The following SLC35D4 variants were observed in gnomAD, a reference collection of about 807,000 sequenced individuals.
SLC35D4 encodes solute carrier family 35 member D4.
chr18:23,352,086 C>T, the SLC35D4 span: 30 of 804,534 alleles, frequency 3.7e-5, no homozygotes, highest in East Asian at 6.7e-4. Flanking sequence ...TCAGGGACAG[C>T]GCCTAGAAGT....
At chr18:23,307,130 C>G in the SLC35D4 span, among the ~76,000 whole-genome samples, 3 of 152,248 alleles carry the variant, frequency 2.0e-5, no homozygotes, top group South Asian at 6.2e-4. Flanking sequence ...ACTGTTCTCA[C>G]CCTTCAACCG....
the SLC35D4 span, among the ~76,000 whole-genome samples, chr18:23,276,028 T>C: frequency 6.6e-6 from 1 of 152,144 alleles, no homozygotes; most frequent in Admixed American, 6.5e-5. Flanking sequence ...TGGTGATGGC[T>C]GCACAACACT....
chr18:23,369,688 T>A, the SLC35D4 span, among the ~76,000 whole-genome samples: 1 of 152,134 alleles, frequency 6.6e-6, no homozygotes, highest in African/African-American at 2.4e-5. Flanking sequence ...CACACATGGC[T>A]AAAGGCAGAC....
chr18:23,261,149 A>G, the SLC35D4 span, among the ~76,000 whole-genome samples: 1 of 152,188 alleles, frequency 6.6e-6, no homozygotes, highest in Non-Finnish European at 1.5e-5. Flanking sequence ...TTCAGATGAC[A>G]CATCATCTAT....
the SLC35D4 span, among the ~76,000 whole-genome samples, chr18:23,403,682 C>T: frequency 4.2e-4 from 64 of 152,258 alleles, no homozygotes; most frequent in Middle Eastern, 3.4e-3. Context: ...AAGTTGAAAA[C>T]GCTTGACTGG....
the SLC35D4 span, among the ~76,000 whole-genome samples, chr18:23,267,334 C>T: frequency 1.3e-5 from 2 of 152,160 alleles, no homozygotes; most frequent in Non-Finnish European, 1.5e-5. Context: ...CTATGACACA[C>T]TGCCAAGCCC....
the SLC35D4 span, among the ~76,000 whole-genome samples, chr18:23,355,018 C>T: frequency 6.6e-6 from 1 of 152,140 alleles, no homozygotes; most frequent in African/African-American, 2.4e-5. Flanking sequence ...GCTATGGCTA[C>T]CGTGCCCCTC....
chr18:23,413,012 A>C, the SLC35D4 span, among the ~76,000 whole-genome samples: 3 of 152,184 alleles, frequency 2.0e-5, no homozygotes, highest in African/African-American at 7.2e-5. Context: ...CCATGTGACC[A>C]CTGGGTTTCC....
At chr18:23,266,368 C>G in the SLC35D4 span, among the ~76,000 whole-genome samples, 2 of 114,130 alleles carry the variant, frequency 1.8e-5, no homozygotes, top group Non-Finnish European at 3.4e-5. Context: ...TAGATGAAAA[C>G]AATTACTATT....
the SLC35D4 span, chr18:23,385,166 T>G: frequency 6.9e-6 from 8 of 1,152,202 alleles, no homozygotes; most frequent in South Asian, 9.7e-5. Flanking sequence ...CTGTGGAAAC[T>G]TTTGGCATCC....
chr18:23,418,852 C>G, the SLC35D4 span, among the ~76,000 whole-genome samples: 1 of 151,408 alleles, frequency 6.6e-6, no homozygotes, highest in Non-Finnish European at 1.5e-5. Flanking sequence ...CTAAAAAATA[C>G]AAAAAATTAG....
At chr18:23,415,599 C>T in the SLC35D4 span, among the ~76,000 whole-genome samples, 2 of 152,172 alleles carry the variant, frequency 1.3e-5, no homozygotes, top group South Asian at 2.1e-4. Context: ...TCAGATAAAA[C>T]GGGTCACAAC....
At chr18:23,310,205 C>A in the SLC35D4 span, 2 of 985,388 alleles carry the variant, frequency 2.0e-6, no homozygotes, top group Non-Finnish European at 2.4e-6. Flanking sequence ...AATGCACCAT[C>A]TCTCCGTCCT....
chr18:23,315,084 A>G, the SLC35D4 span, among the ~76,000 whole-genome samples: 2 of 152,140 alleles, frequency 1.3e-5, no homozygotes, highest in Admixed American at 1.3e-4. Context: ...ACAATCAGAG[A>G]CTTAGGTTTA....
chr18:23,303,414 G>A, the SLC35D4 span, among the ~76,000 whole-genome samples: 1 of 152,158 alleles, frequency 6.6e-6, no homozygotes, highest in Non-Finnish European at 1.5e-5. Context: ...CACAGGATGT[G>A]AAACAGCCCA....
At chr18:23,272,081 G>T in the SLC35D4 span, among the ~76,000 whole-genome samples, 1 of 152,204 alleles carries the variant, frequency 6.6e-6, no homozygotes, top group Non-Finnish European at 1.5e-5. Flanking sequence ...GGGGATTGTG[G>T]GAACACTGAT....
At chr18:23,275,578 A>G in the SLC35D4 span, among the ~76,000 whole-genome samples, 1 of 150,240 alleles carries the variant, frequency 6.7e-6, no homozygotes, top group African/African-American at 2.5e-5. Flanking sequence ...CCTCTTCAGG[A>G]GCTGGGTCAG....
At chr18:23,283,487 A>AG in the SLC35D4 span, among the ~76,000 whole-genome samples, 1 of 149,754 alleles carries the variant, frequency 6.7e-6, no homozygotes, top group East Asian at 1.9e-4. Context: ...AAAAAAAAAA[A>AG]AAAAAAGAAA....
chr18:23,376,388 C>T, the SLC35D4 span, among the ~76,000 whole-genome samples: 17,677 of 152,196 alleles, frequency 0.12, 1,116 homozygotes, highest in Middle Eastern at 0.19. Flanking sequence ...GAGGGGCCCT[C>T]GGAGCTGAGG....
Sources: allele counts gnomAD v4.1 joint callset (sites outside exome capture counted in the v4.1 genomes callset), GRCh38; gene constraint gnomAD v4.1.1; transcripts MANE v1.5; gene names NCBI Gene and HGNC (gene_info 2026-07-23, HGNC 2026-07-21).